The following ABCG1 variants were observed in gnomAD, a reference collection of about 807,000 sequenced individuals.
ABCG1 encodes ATP-binding cassette sub-family G member 1.
Under a neutral mutation model 69.2 loss-of-function variants are expected in ABCG1, and 29 were observed. The ratio of observed to expected loss-of-function variants is 0.42; its 90% confidence interval spans 0.31 to 0.57. ABCG1 has a LOEUF of 0.57. ABCG1 is among the 20% of genes least tolerant of loss of function. The pLI is 0.15. For missense variants in ABCG1, 718 were observed against 898.1 expected (o/e 0.80, Z 2.56); for synonymous variants, 370 against 374.8 (o/e 0.99, Z 0.15).
chr21:42,294,009 C>T (rs1053835474), intron 13 of ABCG1, among the ~76,000 whole-genome samples: 13 of 151,500 alleles, frequency 8.6e-5, no homozygotes, highest in Non-Finnish European at 1.2e-4. Flanking sequence ...CTCCTACCCC[C>T]GACACACTCA....
Position 42,219,884 on chromosome 21 carries a change from G to T in ABCG1, c.42+580G>T. On this transcript the variant is annotated intron_variant, in intron 1 of 14. Transcript: ENST00000398449. This position sits in a 1 kb window ranked among gnomAD's most constrained non-coding sequence, Gnocchi z 5.3. ...CCCACTCGGGGAGGCGGCGGCGAAG[G>T]CCCGGGGAGACCCGCGAGGGGCAAG... is the stretch of plus-strand genomic sequence containing the variant. 1 of 1,543,666 alleles carries T rather than the reference G, an allele frequency of 6.5e-7. No individual in the cohort carries two copies. Among genetic ancestry groups the T allele is most frequent in the Non-Finnish European group, 8.7e-7 (1 of 1,145,202 alleles).
chr21:42,205,864 C>T (rs1041068500), intron 2 of ABCG1, among the ~76,000 whole-genome samples: 9 of 152,254 alleles, frequency 5.9e-5, no homozygotes, highest in Admixed American at 5.9e-4. Context: ...TTGTGTCCCA[C>T]AAATTTTGAT....
intron 1 of ABCG1, chr21:42,220,122 T>A (rs766001147): frequency 4.4e-6 from 6 of 1,365,030 alleles, no homozygotes; most frequent in Non-Finnish European, 6.1e-6. Flanking sequence ...AACAAACCAA[T>A]CATCAGGCCC....
intron 2 of ABCG1, among the ~76,000 whole-genome samples, chr21:42,266,314 A>C (rs888870938): frequency 1.3e-5 from 2 of 151,740 alleles, no homozygotes; most frequent in Admixed American, 1.3e-4. Context: ...ATAAATAAAT[A>C]AAATAAAATA....
upstream of ABCG1, among the ~76,000 whole-genome samples, chr21:42,211,166 G>T (rs1223801846): frequency 6.6e-6 from 1 of 152,020 alleles, no homozygotes; most frequent in African/African-American, 2.4e-5. Flanking sequence ...CACCGCGTTG[G>T]CCAGGATGGT....
At chr21:42,242,432 T>C (rs999443925) in intron 2 of ABCG1, among the ~76,000 whole-genome samples, 3 of 152,146 alleles carry the variant, frequency 2.0e-5, no homozygotes, top group Admixed American at 2.0e-4. Context: ...GGCTAGGAGT[T>C]CAAGGCTGCA....
chr21:42,210,143 G>A (rs940863467), intron 2 of ABCG1, among the ~76,000 whole-genome samples: 3 of 152,216 alleles, frequency 2.0e-5, no homozygotes, highest in Admixed American at 6.5e-5. Context: ...AGGGAACAGG[G>A]AAAGAAACCC....
At chr21:42,216,528 T>G (rs1335261152), upstream of ABCG1, among the ~76,000 whole-genome samples, 1 of 152,132 alleles carries the variant, frequency 6.6e-6, no homozygotes, top group South Asian at 2.1e-4. Flanking sequence ...GGCAACCCCC[T>G]GATGCAGTGG....
At chr21:42,293,622 TACACACCACAC>T (rs552641891) in intron 13 of ABCG1, among the ~76,000 whole-genome samples, 58 of 83,822 alleles carry the variant, frequency 6.9e-4, no homozygotes, top group East Asian at 3.4e-3. Context: ...CACTACACAC[TACACACCACAC>T]ACACACCACA....
intron 2 of ABCG1, among the ~76,000 whole-genome samples, chr21:42,227,871 C>T (rs1282291848): frequency 6.6e-6 from 1 of 152,130 alleles, no homozygotes; most frequent in Admixed American, 6.5e-5. Context: ...AAAGAACCCA[C>T]ACACATTTAG....
At chr21:42,249,954 G>A (rs913528727) in intron 2 of ABCG1, among the ~76,000 whole-genome samples, 10 of 151,486 alleles carry the variant, frequency 6.6e-5, no homozygotes, top group Non-Finnish European at 1.3e-4. Flanking sequence ...GCAGTCAGCC[G>A]AGATGGCGCC....
chr21:42,286,430 C>T (rs1161127886), intron 8 of ABCG1, among the ~76,000 whole-genome samples: 1 of 152,136 alleles, frequency 6.6e-6, no homozygotes, highest in Non-Finnish European at 1.5e-5. Context: ...ATATTTGATT[C>T]ATGCAATTCC....
intron 5 of ABCG1, among the ~76,000 whole-genome samples, chr21:42,281,693 C>T (rs2068811520): frequency 6.6e-6 from 1 of 152,156 alleles, no homozygotes; most frequent in Non-Finnish European, 1.5e-5. Context: ...CCCCGAGAGC[C>T]CTGGTGTGTG....
chr21:42,281,330 C>T (rs1601437743), intron 5 of ABCG1, among the ~76,000 whole-genome samples: 1 of 152,136 alleles, frequency 6.6e-6, no homozygotes, highest in East Asian at 1.9e-4. Flanking sequence ...TCCAGGTGGG[C>T]TGTCCCCAGG....
intron 2 of ABCG1, among the ~76,000 whole-genome samples, chr21:42,250,624 A>G (rs1407441652): frequency 1.3e-5 from 2 of 152,142 alleles, no homozygotes; most frequent in Non-Finnish European, 2.9e-5. Context: ...GGTCATTGAG[A>G]TTTTAGTTCT....
Position 42,273,347 on chromosome 21 carries a change from G to C in ABCG1, c.449G>C (p.Arg150Pro). The C allele has an allele frequency of 4.3e-6, 7 of 1,613,810 alleles. No homozygotes were observed. Among genetic ancestry groups the C allele is most frequent in the Non-Finnish European group, 5.9e-6 (7 of 1,179,970 alleles). The change falls in exon 4 of 15, where the codon CGG (arginine) becomes CCG (proline). Residue 150 changes from arginine to proline, a missense_variant. This residue lies in a region of ABCG1 where 514 missense variants were observed against 574.3 expected (regional missense o/e 0.90). Transcript: ENST00000398449. The surrounding 1 kb of genome is among the most constrained non-coding windows in gnomAD (Gnocchi z 5.3). The stretch of plus-strand genomic sequence containing the variant: ...GCCGTCCTCATCAACGGCCTGCCCC[G>C]GGACCTGCGCTGCTTCCGGAAGGTG... Reference protein sequence around the residue: ...KGAVLINGLPRDLRCFRKVSC... With the variant: ...KGAVLINGLPPDLRCFRKVSC...
At chr21:42,220,684 C>T (rs1483967451) in intron 1 of ABCG1, among the ~76,000 whole-genome samples, 3 of 152,254 alleles carry the variant, frequency 2.0e-5, no homozygotes, top group Non-Finnish European at 4.4e-5. Context: ...AGGCAGTGAA[C>T]AAAACGGAAA....
At chr21:42,293,975 CTCCACACACA>C (rs1486760575) in intron 13 of ABCG1, among the ~76,000 whole-genome samples, 7 of 151,310 alleles carry the variant, frequency 4.6e-5, no homozygotes, top group Non-Finnish European at 1.0e-4. Context: ...CACACACACA[CTCCACACACA>C]CACTCCACAC....
chr21:42,260,989 T>A (rs975757627), intron 2 of ABCG1, among the ~76,000 whole-genome samples: 2 of 152,072 alleles, frequency 1.3e-5, no homozygotes, highest in African/African-American at 4.8e-5. Flanking sequence ...ACCCGGCTAA[T>A]TTTTTGTATT....
Sources: allele counts gnomAD v4.1 joint callset (sites outside exome capture counted in the v4.1 genomes callset), GRCh38; gene constraint gnomAD v4.1.1; regional missense constraint gnomAD v4.1.1; non-coding constraint Gnocchi (gnomAD v3.1); transcripts MANE v1.5; gene names NCBI Gene and HGNC (gene_info 2026-07-23, HGNC 2026-07-21).